Variants in GABRB1 observed in about 807,000 individuals in gnomAD.
The protein encoded by GABRB1 is gamma-aminobutyric acid type A receptor subunit beta1.
A neutral mutation model predicts 51.6 loss-of-function variants in GABRB1; 17 were observed. That is an observed-to-expected ratio of 0.33 (90% confidence interval 0.23 to 0.49). GABRB1 has a LOEUF of 0.49. Ranked by LOEUF, GABRB1 falls within the 20% of genes least tolerant of loss-of-function variation. The probability of loss-of-function intolerance (pLI) is 0.99; values close to 1 mark genes in which losing one functional copy is unlikely to be tolerated. For missense variants in GABRB1, 410 were observed against 600.6 expected (o/e 0.68, Z 3.32); for synonymous variants, 247 against 218.9 (o/e 1.13, Z -1.14).
intron 4 of GABRB1, among the ~76,000 whole-genome samples, chr4:47,229,130 G>A (rs190647471): frequency 6.6e-6 from 1 of 152,210 alleles, no homozygotes; most frequent in Admixed American, 6.6e-5. Flanking sequence ...TAATCACTAT[G>A]CTGAGCTCTA....
intron 4 of GABRB1, among the ~76,000 whole-genome samples, chr4:47,316,495 T>A (rs1578089082): frequency 6.6e-6 from 1 of 152,118 alleles, no homozygotes; most frequent in East Asian, 1.9e-4. Flanking sequence ...GGCACTTAGG[T>A]TGATTCCATA....
At chr4:47,248,698 T>G (rs1721863746) in intron 4 of GABRB1, among the ~76,000 whole-genome samples, 1 of 152,136 alleles carries the variant, frequency 6.6e-6, no homozygotes, top group Admixed American at 6.6e-5. Context: ...GTTATTGGTC[T>G]GTTCAGGGTG....
intron 7 of GABRB1, among the ~76,000 whole-genome samples, chr4:47,406,395 T>C (rs1728568058): frequency 6.6e-6 from 1 of 152,370 alleles, no homozygotes; most frequent in East Asian, 1.9e-4. Context: ...AATGGGATTT[T>C]GATCTGCTTT....
chr4:47,125,232 T>C (rs1287551608), intron 3 of GABRB1, among the ~76,000 whole-genome samples: 1 of 152,112 alleles, frequency 6.6e-6, no homozygotes, highest in African/African-American at 2.4e-5. Context: ...CCAGCAAAGC[T>C]CTGGGAGAGA....
chr4:47,173,024 G>A (rs972127251), intron 4 of GABRB1, among the ~76,000 whole-genome samples: 4 of 152,026 alleles, frequency 2.6e-5, no homozygotes, highest in African/African-American at 9.7e-5. Context: ...AGAGCTGCCT[G>A]GTCCATTTTC....
intron 4 of GABRB1, among the ~76,000 whole-genome samples, chr4:47,182,015 C>A (rs1718970260): frequency 6.6e-6 from 1 of 151,966 alleles, no homozygotes; most frequent in African/African-American, 2.4e-5. Flanking sequence ...AGTGTTGTGG[C>A]CCCAGCCAGA....
At chr4:47,269,538 T>C (rs1722772140) in intron 4 of GABRB1, among the ~76,000 whole-genome samples, 1 of 152,144 alleles carries the variant, frequency 6.6e-6, no homozygotes, top group Non-Finnish European at 1.5e-5. Flanking sequence ...GGTAGGTTTT[T>C]GTCAACATCC....
chr4:47,197,366 C>T (rs187864776), intron 4 of GABRB1, among the ~76,000 whole-genome samples: 59 of 152,282 alleles, frequency 3.9e-4, no homozygotes, highest in Non-Finnish European at 2.6e-4. Flanking sequence ...TGATCCCTCC[C>T]ACTCTGCCCC....
intron 8 of GABRB1, among the ~76,000 whole-genome samples, chr4:47,425,202 G>A (rs1729227414): frequency 6.6e-6 from 1 of 152,120 alleles, no homozygotes; most frequent in Admixed American, 6.5e-5. Context: ...AAAGCAGGTT[G>A]CAAGGCAAAA....
chr4:47,387,324 A>AT (rs529788673), intron 5 of GABRB1, among the ~76,000 whole-genome samples: 2 of 151,884 alleles, frequency 1.3e-5, no homozygotes, highest in East Asian at 1.9e-4. Context: ...AGATGGCCTA[A>AT]TTTTTTTTAT....
chr4:47,161,783 A>G (rs1473695111), intron 4 of GABRB1, among the ~76,000 whole-genome samples: 1 of 152,028 alleles, frequency 6.6e-6, no homozygotes, highest in Non-Finnish European at 1.5e-5. Flanking sequence ...GAAACAGATG[A>G]AACCTATATA....
intron 4 of GABRB1, among the ~76,000 whole-genome samples, chr4:47,173,148 G>T (rs549047864): frequency 1.3e-5 from 2 of 152,230 alleles, no homozygotes; most frequent in South Asian, 4.1e-4. Flanking sequence ...AAATAAAGTT[G>T]TATAAAGTTG....
intron 5 of GABRB1, among the ~76,000 whole-genome samples, chr4:47,385,838 A>G (rs1727773906): frequency 6.6e-6 from 1 of 152,090 alleles, no homozygotes; most frequent in South Asian, 2.1e-4. Flanking sequence ...AGGTTTGACA[A>G]TTTGCCGGAA....
chr4:47,411,880 A>C (rs2110060029), intron 8 of GABRB1, among the ~76,000 whole-genome samples: 1 of 152,338 alleles, frequency 6.6e-6, no homozygotes, highest in East Asian at 1.9e-4. Context: ...TAAAAGTGGA[A>C]CAATGGAAAT....
chr4:47,038,008 C>T (rs745632695), intron 3 of GABRB1, among the ~76,000 whole-genome samples: 2 of 152,098 alleles, frequency 1.3e-5, no homozygotes, highest in Non-Finnish European at 2.9e-5. Flanking sequence ...TAGGTTTCTC[C>T]TTTGTAAAAT....
intron 1 of GABRB1, among the ~76,000 whole-genome samples, chr4:46,996,070 G>GTT (rs35038999): frequency 2.1e-5 from 3 of 139,992 alleles, no homozygotes; most frequent in Admixed American, 7.1e-5. Flanking sequence ...CTAACTTGAG[G>GTT]TTTTTTTTTT....
intron 4 of GABRB1, among the ~76,000 whole-genome samples, chr4:47,187,657 G>A (rs1287313816): frequency 2.0e-5 from 3 of 151,832 alleles, no homozygotes; most frequent in Non-Finnish European, 2.9e-5. Flanking sequence ...AAGTTAAACC[G>A]TGTCACTCCT....
At chr4:47,059,439 T>C (rs1726755103) in intron 3 of GABRB1, among the ~76,000 whole-genome samples, 1 of 152,206 alleles carries the variant, frequency 6.6e-6, no homozygotes, top group South Asian at 2.1e-4. Flanking sequence ...ACTGAGTAAC[T>C]GGGACTACAG....
chr4:47,012,247 G>C (rs921111508), intron 1 of GABRB1, among the ~76,000 whole-genome samples: 1 of 152,098 alleles, frequency 6.6e-6, no homozygotes, highest in African/African-American at 2.4e-5. Context: ...TTGTTACACA[G>C]GTAAACATGC....
Sources: gnomAD v4.1 joint callset for allele counts (sites outside exome capture counted in the v4.1 genomes callset) on GRCh38, gnomAD v4.1.1 for gene constraint, MANE v1.5 for transcripts, NCBI Gene and HGNC (gene_info 2026-07-23, HGNC 2026-07-21) for gene names.